PIN4: variants seen among roughly 807,000 people sequenced by gnomAD.
PIN4 encodes peptidylprolyl cis/trans isomerase, NIMA-interacting 4.
Under a neutral mutation model 8.3 loss-of-function variants are expected in PIN4, and 3 were observed. The observed-to-expected ratio is 0.36, with a 90% CI of 0.16 to 0.93. PIN4 has a LOEUF of 0.93. Ranked by LOEUF, PIN4 falls within the 40% of genes least tolerant of loss-of-function variation. PIN4 has a pLI of 0.44. For missense variants in PIN4, 75 were observed against 100.6 expected (o/e 0.75, Z 1.09); for synonymous variants, 18 against 32.5 (o/e 0.55, Z 1.52).
intron 3 of PIN4, among the ~76,000 whole-genome samples, chrX:72,251,231 C>T (rs2043086038): frequency 9.4e-6 from 1 of 106,060 alleles, no homozygotes; most frequent in Non-Finnish European, 1.9e-5. Flanking sequence ...GGCGTGGTGG[C>T]GGGCGCCTGT....
Position 72,197,649 on chromosome X carries a change from C to T in PIN4, c.*123C>T. 1 of 1,069,880 alleles carries T rather than the reference C, an allele frequency of 9.3e-7. No homozygotes were observed. The highest frequency in any genetic ancestry group is 3.4e-5 in the East Asian group (1 of 29,040). The allele number at this position is 1,069,880 out of a possible 1,213,427, so 88.2% of individuals were successfully genotyped here. A position where few individuals can be genotyped will look rare whatever the true frequency, so the allele number is the denominator to read the frequency against. On this transcript the variant is annotated 3_prime_UTR_variant, in exon 4 of 4. Transcript: ENST00000373669. ...TTAAAAAGAAAAGATATTGGATGCTCCTTGTATTCTGTGAAAGCTCTAAGT... is the reference window on the plus strand; with the variant it reads ...TTAAAAAGAAAAGATATTGGATGCTTCTTGTATTCTGTGAAAGCTCTAAGT...
rs1198053299 is a variant in PIN4, at chrX:72,181,778, C to T, written c.-8C>T. Reference sequence around the variant, plus strand: ...GAGCGGTTCAGCGTTCAACAACAAGCTTCCAAGATGCCGCCCAAAGGAAAA... The same window carrying T: ...GAGCGGTTCAGCGTTCAACAACAAGTTTCCAAGATGCCGCCCAAAGGAAAA... On this transcript the variant is annotated 5_prime_UTR_variant, in exon 1 of 4. Transcript: ENST00000373669. 2 of 1,200,652 alleles carry T rather than the reference C, an allele frequency of 1.7e-6. No individual in the cohort carries two copies. The highest frequency in any genetic ancestry group is 3.5e-5 in the African/African-American group (2 of 57,637).
At chrX:72,253,499 G>C (rs749220321) in intron 3 of PIN4, among the ~76,000 whole-genome samples, 1 of 110,926 alleles carries the variant, frequency 9.0e-6, no homozygotes, top group South Asian at 3.9e-4. Context: ...GGTGGTGTGC[G>C]CCTGTAGTCC....
intron 1 of PIN4, among the ~76,000 whole-genome samples, chrX:72,182,578 C>G (rs1411283633): frequency 9.1e-6 from 1 of 110,377 alleles, no homozygotes; most frequent in African/African-American, 3.3e-5. Context: ...TTAAGGAGCT[C>G]CCGAAGTAGT....
At chrX:72,239,665 G>A (rs1462392864) in intron 3 of PIN4, among the ~76,000 whole-genome samples, 1 of 108,883 alleles carries the variant, frequency 9.2e-6, no homozygotes, top group East Asian at 2.9e-4. Flanking sequence ...CCAGCTACTC[G>A]GGTGGCTGAG....
At chrX:72,226,070 C>A (rs758853282) in intron 3 of PIN4, among the ~76,000 whole-genome samples, 1 of 111,745 alleles carries the variant, frequency 8.9e-6, no homozygotes, top group South Asian at 3.8e-4. Context: ...CATCCTCCTG[C>A]ATGCAGGCCT....
At chrX:72,185,326 C>T (rs1428994070) in intron 1 of PIN4, among the ~76,000 whole-genome samples, 3 of 109,648 alleles carry the variant, frequency 2.7e-5, no homozygotes, top group Non-Finnish European at 5.7e-5. Flanking sequence ...ATTTCTTACA[C>T]ATACCATGTC....
rs73550792 is a variant in PIN4, at chrX:72,254,034, A to G, written c.313-8673A>G. Among the ~76,000 whole-genome samples the G allele has an allele frequency of 1.6e-3, 183 of 111,962 alleles. 1 individual carries two copies. The highest frequency in any genetic ancestry group is 5.6e-3 in the African/African-American group (173 of 30,870). ...TCCATTCCTCAAACAGTACCCAATA[A>G]TCCTTTCAAGAAACACATAAAGCAG... On this transcript the variant is annotated intron_variant, in intron 3 of 3. Transcript: ENST00000423432.
chrX:72,181,743 A>T (rs1392562085), upstream of PIN4: 1 of 1,180,254 alleles, frequency 8.5e-7, no homozygotes, highest in Non-Finnish European at 1.2e-6. Flanking sequence ...AGGGGCTTGT[A>T]CGGCAACTGG....
At chrX:72,212,329 G>T (rs1602439871) in intron 3 of PIN4, among the ~76,000 whole-genome samples, 1 of 110,831 alleles carries the variant, frequency 9.0e-6, no homozygotes, top group East Asian at 2.8e-4. Context: ...TTCCTCAGAT[G>T]CAAACATTTT....
intron 3 of PIN4, among the ~76,000 whole-genome samples, chrX:72,222,002 C>T (rs1416842604): frequency 1.8e-5 from 2 of 109,370 alleles, no homozygotes; most frequent in Non-Finnish European, 3.8e-5. Context: ...TTCTGCTCCT[C>T]ATCCTTCCAA....
intron 3 of PIN4, among the ~76,000 whole-genome samples, chrX:72,218,728 CA>C (rs1222877084): frequency 9.0e-6 from 1 of 111,255 alleles, no homozygotes; most frequent in Non-Finnish European, 1.9e-5. Context: ...TCAATTTCTA[CA>C]AAAAAGCCAG....
At chrX:72,205,847 G>C in intron 3 of PIN4, 2 of 1,211,458 alleles carry the variant, frequency 1.7e-6, no homozygotes. Flanking sequence ...TTCTCAACAT[G>C]CTCTAAAGAC....
At chrX:72,239,201 C>T (rs374969517) in intron 3 of PIN4, among the ~76,000 whole-genome samples, 2 of 113,230 alleles carry the variant, frequency 1.8e-5, no homozygotes, top group African/African-American at 3.2e-5. Context: ...GAGTGTGCTG[C>T]CTCAGTCTGT....
chrX:72,216,130 A>C (rs1372403099), intron 3 of PIN4, among the ~76,000 whole-genome samples: 2 of 110,653 alleles, frequency 1.8e-5, no homozygotes, highest in Non-Finnish European at 3.8e-5. Flanking sequence ...ATTTAAGATG[A>C]GATCATACTG....
intron 3 of PIN4, chrX:72,238,964 T>C: frequency 9.9e-7 from 1 of 1,005,041 alleles, no homozygotes; most frequent in Non-Finnish European, 1.4e-6. Flanking sequence ...GCTTGGAGCT[T>C]GGAGCTTGGA....
intron 3 of PIN4, among the ~76,000 whole-genome samples, chrX:72,203,644 G>A (rs1328429784): frequency 8.9e-6 from 1 of 112,083 alleles, no homozygotes; most frequent in Non-Finnish European, 1.9e-5. Context: ...GTGTATTATA[G>A]TGTATTCATT....
At chrX:72,210,199 TAAAA>T (rs1406489422) in intron 3 of PIN4, among the ~76,000 whole-genome samples, 79 of 77,784 alleles carry the variant, frequency 1.0e-3, no homozygotes, top group South Asian at 6.8e-3. Context: ...GACTGTCTCT[TAAAA>T]AATAAATAAA....
intron 3 of PIN4, chrX:72,197,114 G>C (rs1017217721): frequency 1.3e-5 from 6 of 452,549 alleles, no homozygotes; most frequent in African/African-American, 1.2e-4. Flanking sequence ...GTAGAATAAG[G>C]GTCATCTATG....
Sources: gnomAD v4.1 joint callset for allele counts (sites outside exome capture counted in the v4.1 genomes callset) on GRCh38, gnomAD v4.1.1 for gene constraint, MANE v1.5 for transcripts, NCBI Gene and HGNC (gene_info 2026-07-23, HGNC 2026-07-21) for gene names.